The following FGF21 variants were observed in gnomAD, a reference collection of about 807,000 sequenced individuals.
FGF21 encodes the protein fibroblast growth factor 21.
FGF21 carries 13 observed loss-of-function variants against 13.4 expected under a neutral mutation model. The ratio of observed to expected loss-of-function variants is 0.97; its 90% confidence interval spans 0.63 to 1.54. FGF21 has a LOEUF of 1.54. FGF21 is among the 40% of genes most tolerant of loss of function. FGF21 has a pLI of 0.00. For synonymous variants in FGF21, 124 were observed against 123.6 expected, an observed-to-expected ratio of 1.00 and a Z score of -0.02; for missense variants, 303 against 272.4, an observed-to-expected ratio of 1.11 and a Z score of -0.79.
rs1231451873 is a variant in FGF21, at chr19:48,758,108, C to T, written c.518C>T (p.Ala173Val). The change falls in exon 4 of 4, where the codon GCA becomes GTA. Residue 173 changes from alanine (A) to valine (V), a missense_variant. Transcript: ENST00000593756. ...RFLPLPGLPP[A>V]LPEPPGILAP... Reference sequence around the variant, plus strand: ...CTGCCACTACCAGGCCTGCCCCCCGCACTCCCGGAGCCACCCGGAATCCTG... The same window carrying T: ...CTGCCACTACCAGGCCTGCCCCCCGTACTCCCGGAGCCACCCGGAATCCTG... The T allele has an allele frequency of 6.2e-7, 1 of 1,611,448 alleles. No homozygotes were observed. Among genetic ancestry groups the T allele is most frequent in the Non-Finnish European group, 8.5e-7 (1 of 1,179,262 alleles).
chr19:48,757,441 C>G (rs2034124325), intron 3 of FGF21, among the ~76,000 whole-genome samples: 1 of 152,212 alleles, frequency 6.6e-6, no homozygotes, highest in Admixed American at 6.5e-5. Flanking sequence ...CCTGAGAGAG[C>G]ACTGATGGCT....
At chr19:48,757,189 C>T (rs1488923743) in intron 3 of FGF21, among the ~76,000 whole-genome samples, 160 bp downstream of exon 3, 1 of 152,222 alleles carries the variant, frequency 6.6e-6, no homozygotes, top group Non-Finnish European at 1.5e-5. Flanking sequence ...AAGTTGTCAT[C>T]AGTGTTTGCA....
intron 3 of FGF21, among the ~76,000 whole-genome samples, chr19:48,757,618 T>C (rs11669807): frequency 0.016 from 1,405 of 88,614 alleles, 9 homozygotes; most frequent in African/African-American, 0.02. Context: ...CCTGGACCCC[T>C]GGGTCTGAGG....
chr19:48,756,843 C>CTGGATGGTGGGACAGAGT, intron 2 of FGF21, 83 bp from the exon 3 acceptor site: 1 of 1,110,390 alleles, frequency 9.0e-7, no homozygotes, highest in South Asian at 1.4e-5. Flanking sequence ...TGGGACAGAG[C>CTGGATGGTGGGACAGAGT]CGGATGGTGG....
chr19:48,757,799 T>C lies in FGF21; in HGVS notation c.340-131T>C, dbSNP rs1438571617. 1.8e-5 allele frequency: 14 copies of C among 786,024 alleles called. 1 individual carries two copies. Among genetic ancestry groups the C allele is most frequent in the African/African-American group, 7.4e-5 (4 of 54,094 alleles). The allele number at this position is 786,024 out of a possible 1,614,324, so 48.7% of individuals were successfully genotyped here. On this transcript the variant is annotated intron_variant, in intron 3 of 3. Coordinates refer to ENST00000593756, the MANE Select transcript of FGF21 (RefSeq NM_019113.4). ...GAGGAGAAACTAGGGTCTGGACCCC[T>C]GGGTCTGAGGGAGGAGGCGCTGGGG...
Position 48,758,088 on chromosome 19 carries a change from A to C in FGF21, c.498A>C (p.Pro166=). The C allele has an allele frequency of 6.2e-7, 1 of 1,612,168 alleles. No homozygotes were observed. Among genetic ancestry groups the C allele is most frequent in the Non-Finnish European group, 8.5e-7 (1 of 1,179,406 alleles). The part of the protein sequence containing the change: ...PAPRGPARFL[P]LPGLPPALPE... ...CCCGAGGACCAGCTCGCTTCCTGCC[A>C]CTACCAGGCCTGCCCCCCGCACTCC... Residue 166 remains proline (P), a synonymous_variant, in exon 4 of 4, where the codon CCA becomes CCC. Transcript: ENST00000593756.
In FGF21 at chr19:48,756,427, G is replaced by C; in HGVS notation, c.191G>C (p.Arg64Thr). Residue 64 changes from arginine to threonine, a missense_variant, in exon 2 of 4, where the codon AGG becomes ACG. Transcript: ENST00000593756. ...CAGACAGAAGCCCACCTGGAGATCA[G>C]GGAGGATGGGACGGTGGGGGGCGCT... is the stretch of plus-strand genomic sequence containing the variant. ...AQQTEAHLEIREDGTVGGAAD... is the reference protein window; with the variant it reads ...AQQTEAHLEITEDGTVGGAAD... The C allele has an allele frequency of 6.2e-7, 1 of 1,613,754 alleles. No individual in the cohort carries two copies. Among genetic ancestry groups the C allele is most frequent in the Non-Finnish European group, 8.5e-7 (1 of 1,180,014 alleles).
intron 2 of FGF21, 101 bp from the exon 3 acceptor site, chr19:48,756,825 C>A: frequency 1.0e-6 from 1 of 965,362 alleles, no homozygotes; most frequent in Non-Finnish European, 1.6e-6. Flanking sequence ...GGCTTGGACT[C>A]CCAGGGCTGG....
intron 3 of FGF21, among the ~76,000 whole-genome samples, chr19:48,757,726 C>G (rs529095661): frequency 7.4e-6 from 1 of 135,168 alleles, no homozygotes; most frequent in Non-Finnish European, 1.6e-5. Flanking sequence ...CCTGGAACCC[C>G]GGGTCTGAGG....
chr19:48,757,166 C>T (rs1003159434), intron 3 of FGF21, 137 bp downstream of exon 3: 2 of 665,726 alleles, frequency 3.0e-6, no homozygotes, highest in Non-Finnish European at 5.2e-6. Flanking sequence ...CCAGCTGCAA[C>T]ATTTGGAGGT....
At position 48,756,389 on chromosome 19, in the gene FGF21, A is replaced by C; in HGVS notation, c.153A>C (p.Thr51=). ...AAGTCCGGCAGCGGTACCTCTACAC[A>C]GATGATGCCCAGCAGACAGAAGCCC... ...GGQVRQRYLY[T]DDAQQTEAHL... is the part of the protein sequence containing the mutation. Residue 51 remains threonine (T), a synonymous_variant, in exon 2 of 4, where the codon ACA becomes ACC. Coordinates refer to ENST00000593756, the MANE Select transcript of FGF21 (RefSeq NM_019113.4). 2.5e-6 allele frequency: 4 copies of C among 1,613,986 alleles called. No individual in the cohort carries two copies. In the South Asian group the frequency reaches 4.4e-5, roughly 18 times the overall value.
Position 48,758,263 on chromosome 19 carries a change from G to A in FGF21, c.*43G>A, listed in dbSNP as rs2034145960. On this transcript the variant is annotated 3_prime_UTR_variant, in exon 4 of 4. Coordinates refer to ENST00000593756, the MANE Select transcript of FGF21 (RefSeq NM_019113.4). The stretch of plus-strand genomic sequence containing the variant: ...TATGACATCTCCTCTTTATTTATTA[G>A]GTTATTTATCTTATTTATTTTTTTA... 1.3e-6 allele frequency: 2 copies of A among 1,483,882 alleles called. No individual in the cohort carries two copies. Among genetic ancestry groups the A allele is most frequent in the African/African-American group, 2.9e-5 (2 of 69,328 alleles). The allele number at this position is 1,483,882 out of a possible 1,614,324, so 91.9% of individuals were successfully genotyped here. A position where few individuals can be genotyped will look rare whatever the true frequency, so the allele number is the denominator to read the frequency against.
In FGF21 at chr19:48,755,799, A is replaced by G. The variant is rs562908533; in HGVS notation, c.-347+15A>G. On this transcript the variant is annotated intron_variant, in intron 1 of 3. Transcript: ENST00000593756. ...CTCCGACTCAGGTGCTTGAGACCCC[A>G]GATCCTTCTCTCTGAGACTCAGGAA... The G allele has an allele frequency of 1.8e-5, 3 of 164,020 alleles. No homozygotes were observed. The South Asian group carries it at 5.3e-4, about 29-fold the overall frequency. 10.2% of individuals were successfully genotyped at this position (164,020 alleles called of 1,614,324 possible).
chr19:48,756,858 G>C, intron 2 of FGF21, 68 bp from the exon 3 acceptor site: 1 of 1,232,688 alleles, frequency 8.1e-7, no homozygotes, highest in Non-Finnish European at 1.2e-6. Flanking sequence ...TGGTGGGACA[G>C]AGTCGGGTGG....
At position 48,756,862 on chromosome 19, in the gene FGF21, C is replaced by T. The variant is rs8109953; in HGVS notation, c.236-64C>T. 5.8e-4 allele frequency: 736 copies of T among 1,259,190 alleles called. 1 individual carries two copies. In the African/African-American group the frequency reaches 8.7e-3, roughly 15 times the overall value. The allele number at this position is 1,259,190 out of a possible 1,614,324, so 78.0% of individuals were successfully genotyped here. A position where few individuals can be genotyped will look rare whatever the true frequency, so the allele number is the denominator to read the frequency against. On this transcript the variant is annotated intron_variant, in intron 2 of 3. Transcript: ENST00000593756. The stretch of plus-strand genomic sequence containing the variant: ...ACAGAGCCGGATGGTGGGACAGAGT[C>T]GGGTGGTGGGACAGTCCCGGGTGGG...
At position 48,756,186 on chromosome 19, in the gene FGF21, C is replaced by A; in HGVS notation, c.-51C>A. The A allele has an allele frequency of 6.6e-7, 1 of 1,520,242 alleles. No individual in the cohort carries two copies. The allele number at this position is 1,520,242 out of a possible 1,614,324, so 94.2% of individuals were successfully genotyped here. A position where few individuals can be genotyped will look rare whatever the true frequency, so the allele number is the denominator to read the frequency against. ...AATCTGGCACCAATTCTAAACCACT[C>A]AGCTTCTCCGAGCTCACACCCCGGA... On this transcript the variant is annotated 5_prime_UTR_variant, in exon 2 of 4. Coordinates refer to ENST00000593756, the MANE Select transcript of FGF21 (RefSeq NM_019113.4).
rs1230261941 is a variant in FGF21 at position 48,755,720 on chromosome 19, T to C, written c.-411T>C. On this transcript the variant is annotated 5_prime_UTR_variant, in exon 1 of 4. Coordinates refer to ENST00000593756, the MANE Select transcript of FGF21 (RefSeq NM_019113.4). ...CAGAAATTTCTCTTGTTCTGCGTGA[T>C]CTGCATAGATGGTCCAAGAGGTGGT... 6.5e-6 allele frequency: 1 copy of C among 152,802 alleles called. No individual in the cohort carries two copies. Among genetic ancestry groups the C allele is most frequent in the African/African-American group, 2.4e-5 (1 of 41,416 alleles). The allele number at this position is 152,802 out of a possible 1,614,324, so 9.5% of individuals were successfully genotyped here.
At position 48,758,090 on chromosome 19, in the gene FGF21, T is replaced by C. The variant is rs1386529931; in HGVS notation, c.500T>C (p.Leu167Pro). The change falls in exon 4 of 4, where the codon CTA (leucine) becomes CCA (proline). Residue 167 changes from leucine to proline, a missense_variant. By Grantham distance (98) the Leu-to-Pro change is moderately conservative (BLOSUM62 -3). Coordinates refer to ENST00000593756, the MANE Select transcript of FGF21 (RefSeq NM_019113.4). Reference protein sequence around the residue: ...APRGPARFLPLPGLPPALPEP... With the variant: ...APRGPARFLPPPGLPPALPEP... Reference sequence around the variant, plus strand: ...CGAGGACCAGCTCGCTTCCTGCCACTACCAGGCCTGCCCCCCGCACTCCCG... The same window carrying C: ...CGAGGACCAGCTCGCTTCCTGCCACCACCAGGCCTGCCCCCCGCACTCCCG... 6.2e-7 allele frequency: 1 copy of C among 1,611,962 alleles called. No individual in the cohort carries two copies. The highest frequency in any genetic ancestry group is 1.7e-5 in the Admixed American group (1 of 59,840).
Position 48,758,168 on chromosome 19 carries a change from C to T in FGF21, c.578C>T (p.Pro193Leu). ...PQPPDVGSSDPLSMVGPSQGR... is the reference protein window; with the variant it reads ...PQPPDVGSSDLLSMVGPSQGR... ...CCCCCCGATGTGGGCTCCTCGGACC[C>T]TCTGAGCATGGTGGGACCTTCCCAG... Residue 193 changes from proline to leucine, a missense_variant, in exon 4 of 4, where the codon CCT becomes CTT. By Grantham distance (98) the Pro-to-Leu change is moderately conservative. Coordinates refer to ENST00000593756, the MANE Select transcript of FGF21 (RefSeq NM_019113.4). 1 of 1,612,554 alleles carries T rather than the reference C, an allele frequency of 6.2e-7. No homozygotes were observed. Among genetic ancestry groups the T allele is most frequent in the Non-Finnish European group, 8.5e-7 (1 of 1,179,828 alleles).
Sources: gnomAD v4.1 joint callset for allele counts (sites outside exome capture counted in the v4.1 genomes callset) on GRCh38, gnomAD v4.1.1 for gene constraint, MANE v1.5 for transcripts, NCBI Gene and HGNC (gene_info 2026-07-23, HGNC 2026-07-21) for gene names.